Variants in UMAD1 observed in about 807,000 individuals in gnomAD.
UMAD1 encodes UBAP1-MVB12-associated (UMA)-domain containing protein 1.
A neutral mutation model predicts 6.1 loss-of-function variants in UMAD1; 8 were observed. The observed-to-expected ratio is 1.30, with a 90% CI of 0.76 to 2.35. UMAD1 has a LOEUF of 2.35. Among genes scored for constraint, UMAD1 ranks in the 30% most tolerant of loss-of-function variants. UMAD1 has a pLI of 0.00. For synonymous variants in UMAD1, 56 were observed against 31.4 expected, an observed-to-expected ratio of 1.78 and a Z score of -2.61; for missense variants, 130 against 78.4, an observed-to-expected ratio of 1.66 and a Z score of -2.49.
chr7:7,727,797 C>G (rs1563159205), intron 2 of UMAD1, among the ~76,000 whole-genome samples: 2 of 152,176 alleles, frequency 1.3e-5, no homozygotes, highest in Non-Finnish European at 2.9e-5. Context: ...AGCTTTGGGA[C>G]TTGAACTGGC....
chr7:7,839,139 C>A lies in UMAD1; in HGVS notation c.156+37396C>A, dbSNP rs992251426. Among the ~76,000 whole-genome samples the A allele has an allele frequency of 3.3e-5, 5 of 152,088 alleles. No individual in the cohort carries two copies. In the South Asian group the frequency reaches 1.0e-3, roughly 32 times the overall value. On this transcript the variant is annotated intron_variant, in intron 3 of 3. Coordinates refer to ENST00000682710, the MANE Select transcript of UMAD1 (RefSeq NM_001302348.2). ...CCTTACACATATTATAGTATCTCGT[C>A]ATTGTTTAATAAATGAAATAAATTA...
chr7:7,867,318 G>A (rs1159522952), intron 3 of UMAD1, among the ~76,000 whole-genome samples: 1 of 152,144 alleles, frequency 6.6e-6, no homozygotes, highest in African/African-American at 2.4e-5. Context: ...TATTACTTTT[G>A]GGGGAGTGGA....
chr7:7,798,142 A>G (rs1445818680), intron 2 of UMAD1, among the ~76,000 whole-genome samples: 1 of 152,228 alleles, frequency 6.6e-6, no homozygotes, highest in African/African-American at 2.4e-5. Context: ...GCTTGTGACT[A>G]CAATGGTAGA....
chr7:7,663,471 A>G (rs994323985), intron 1 of UMAD1, among the ~76,000 whole-genome samples: 2 of 152,160 alleles, frequency 1.3e-5, no homozygotes, highest in African/African-American at 2.4e-5. Context: ...CATTACACCA[A>G]TATCAAAAAC....
At chr7:7,685,467 G>A (rs1010523429) in intron 2 of UMAD1, among the ~76,000 whole-genome samples, 2 of 151,846 alleles carry the variant, frequency 1.3e-5, no homozygotes, top group Non-Finnish European at 2.9e-5. Context: ...GCGCCACCAC[G>A]CCCACCAAGT....
intron 3 of UMAD1, among the ~76,000 whole-genome samples, chr7:7,803,553 G>A (rs1325202287): frequency 6.6e-6 from 1 of 152,184 alleles, no homozygotes; most frequent in Non-Finnish European, 1.5e-5. Flanking sequence ...CTTGAGTTTC[G>A]TTGCTTAGTG....
At chr7:7,795,115 C>G (rs890780936) in intron 2 of UMAD1, among the ~76,000 whole-genome samples, 3 of 152,326 alleles carry the variant, frequency 2.0e-5, no homozygotes, top group African/African-American at 7.2e-5. Flanking sequence ...CATGTATTGA[C>G]TTATGTCTTT....
chr7:7,807,821 T>C (rs1236196344), intron 3 of UMAD1, among the ~76,000 whole-genome samples: 1 of 152,030 alleles, frequency 6.6e-6, no homozygotes, highest in Non-Finnish European at 1.5e-5. Context: ...TGAAGTAGTG[T>C]TTGTCTCTTC....
At chr7:7,794,729 CT>C (rs1332607547) in intron 2 of UMAD1, among the ~76,000 whole-genome samples, 1 of 152,112 alleles carries the variant, frequency 6.6e-6, no homozygotes, top group East Asian at 1.9e-4. Context: ...AATATATTTC[CT>C]TGACATACGT....
chr7:7,804,111 A>T (rs1782857803), intron 3 of UMAD1, among the ~76,000 whole-genome samples: 1 of 152,186 alleles, frequency 6.6e-6, no homozygotes, highest in African/African-American at 2.4e-5. Context: ...ATACTCATGC[A>T]GTAACAGATG....
At chr7:7,701,425 T>C (rs1780459890) in intron 2 of UMAD1, among the ~76,000 whole-genome samples, 2 of 152,226 alleles carry the variant, frequency 1.3e-5, no homozygotes, top group Admixed American at 1.3e-4. Context: ...AAATTAGTAA[T>C]ACTGGAACTG....
At chr7:7,716,633 G>A (rs1780910852) in intron 2 of UMAD1, among the ~76,000 whole-genome samples, 1 of 152,242 alleles carries the variant, frequency 6.6e-6, no homozygotes, top group African/African-American at 2.4e-5. Flanking sequence ...AAACCCATCT[G>A]CCTAGTAAAA....
chr7:7,789,997 T>C (rs1018242012), intron 2 of UMAD1, among the ~76,000 whole-genome samples: 26 of 152,042 alleles, frequency 1.7e-4, no homozygotes, highest in African/African-American at 6.3e-4. Context: ...TCTTACAGAG[T>C]TATTTATTTT....
intron 3 of UMAD1, among the ~76,000 whole-genome samples, chr7:7,876,571 T>A (rs1260978959): frequency 4.6e-5 from 7 of 152,200 alleles, no homozygotes; most frequent in African/African-American, 1.7e-4. Flanking sequence ...ACATATTAAT[T>A]GTAAAGAAAT....
chr7:7,729,188 G>A (rs978114445), intron 2 of UMAD1, among the ~76,000 whole-genome samples: 1 of 152,184 alleles, frequency 6.6e-6, no homozygotes, highest in Non-Finnish European at 1.5e-5. Flanking sequence ...AGCACATTTG[G>A]TGAGTGGGAA....
chr7:7,763,288 C>G (rs376140832), intron 2 of UMAD1, among the ~76,000 whole-genome samples: 1 of 151,874 alleles, frequency 6.6e-6, no homozygotes, highest in African/African-American at 2.4e-5. Context: ...ATTTTAGATA[C>G]AAGGGGTGCA....
chr7:7,847,092 AAAAAAAAAAAAAATAT>A (rs1363663940), intron 3 of UMAD1, among the ~76,000 whole-genome samples: 7 of 29,250 alleles, frequency 2.4e-4, no homozygotes, highest in African/African-American at 1.6e-3. Context: ...CAATGCAAAA[AAAAAAAAAAAAAATAT>A]ATATATATAT....
At chr7:7,772,728 G>T (rs17550944) in intron 2 of UMAD1, among the ~76,000 whole-genome samples, 1 of 152,100 alleles carries the variant, frequency 6.6e-6, no homozygotes, top group Non-Finnish European at 1.5e-5. Flanking sequence ...GAGCAGCTGC[G>T]CCCGTTTTCT....
chr7:7,661,814 C>T (rs551313193), intron 1 of UMAD1, among the ~76,000 whole-genome samples: 2 of 152,190 alleles, frequency 1.3e-5, no homozygotes, highest in African/African-American at 4.8e-5. Flanking sequence ...GCAGTCTGAC[C>T]CTTAGCAGAG....
Sources: gnomAD v4.1 joint callset for allele counts (sites outside exome capture counted in the v4.1 genomes callset) on GRCh38, gnomAD v4.1.1 for gene constraint, MANE v1.5 for transcripts, NCBI Gene and HGNC (gene_info 2026-07-23, HGNC 2026-07-21) for gene names.